Variants in KRABD5 observed in about 807,000 individuals in gnomAD.
The protein encoded by KRABD5 is KRAB domain containing 5, also known as KRAB domain-containing protein 5.
At chr16:31,714,316 T>C in the KRABD5 span, 1 of 455,538 alleles carries the variant, frequency 2.2e-6, no homozygotes, top group Non-Finnish European at 4.4e-6. Flanking sequence ...TTTCCTTCCT[T>C]TCTATAAAAA....
the KRABD5 span, chr16:31,757,560 G>A: frequency 1.3e-5 from 2 of 152,170 alleles, no homozygotes; most frequent in African/African-American, 4.8e-5. Flanking sequence ...TTGAAAAACA[G>A]TATTTTGATT....
At chr16:31,740,900 T>C in the KRABD5 span, among the ~76,000 whole-genome samples, 4 of 152,196 alleles carry the variant, frequency 2.6e-5, no homozygotes, top group Admixed American at 6.5e-5. Context: ...TACACTGGTT[T>C]GATGTCTGAA....
the KRABD5 span, among the ~76,000 whole-genome samples, chr16:31,748,123 G>A: frequency 6.6e-6 from 1 of 151,998 alleles, no homozygotes; most frequent in African/African-American, 2.4e-5. Context: ...TATGGTTTTA[G>A]GTCTAACATG....
chr16:31,725,032 C>G, the KRABD5 span, among the ~76,000 whole-genome samples: 1 of 152,176 alleles, frequency 6.6e-6, no homozygotes, highest in Non-Finnish European at 1.5e-5. Flanking sequence ...CTTCATTATG[C>G]TGAATAATAT....
chr16:31,719,202 G>A, the KRABD5 span, among the ~76,000 whole-genome samples: 58 of 152,324 alleles, frequency 3.8e-4, no homozygotes, highest in African/African-American at 1.4e-3. Context: ...GAGGTATACA[G>A]GGAACTTGGG....
the KRABD5 span, among the ~76,000 whole-genome samples, chr16:31,749,566 A>C: frequency 2.0e-5 from 3 of 152,314 alleles, no homozygotes; most frequent in Admixed American, 1.3e-4. Flanking sequence ...TTGGGATGCT[A>C]AGACTCAGTG....
chr16:31,733,452 A>G, the KRABD5 span: 1 of 452,708 alleles, frequency 2.2e-6, no homozygotes, highest in Non-Finnish European at 4.4e-6. Context: ...ACAGTTTATT[A>G]GTGTTAAGTA....
the KRABD5 span, among the ~76,000 whole-genome samples, chr16:31,742,881 A>G: frequency 3.3e-5 from 5 of 152,016 alleles, no homozygotes; most frequent in Non-Finnish European, 5.9e-5. Context: ...GTGTCTCATT[A>G]TGGTTTTGAT....
the KRABD5 span, among the ~76,000 whole-genome samples, chr16:31,739,753 A>G: frequency 6.6e-6 from 1 of 152,184 alleles, no homozygotes; most frequent in Non-Finnish European, 1.5e-5. Flanking sequence ...CCATAAACAA[A>G]ATCTCGGCAG....
chr16:31,735,429 AAT>A, the KRABD5 span, among the ~76,000 whole-genome samples: 2 of 152,144 alleles, frequency 1.3e-5, no homozygotes, highest in Non-Finnish European at 2.9e-5. Flanking sequence ...ATATATACCC[AAT>A]AGTGGAATTG....
At chr16:31,735,666 T>C in the KRABD5 span, among the ~76,000 whole-genome samples, 3 of 152,208 alleles carry the variant, frequency 2.0e-5, no homozygotes, top group African/African-American at 7.2e-5. Context: ...CCCTTGATGA[T>C]TAGTGAAGTT....
At chr16:31,753,039 T>C in the KRABD5 span, among the ~76,000 whole-genome samples, 1 of 152,156 alleles carries the variant, frequency 6.6e-6, no homozygotes, top group Non-Finnish European at 1.5e-5. Flanking sequence ...ATTTTGTTGA[T>C]ATTTTGATCA....
At chr16:31,713,750 G>T in the KRABD5 span, among the ~76,000 whole-genome samples, 1 of 152,168 alleles carries the variant, frequency 6.6e-6, no homozygotes, top group African/African-American at 2.4e-5. Context: ...CGTGTGATTC[G>T]TGTGTGGGAA....
At chr16:31,754,622 T>G in the KRABD5 span, 1 of 470,658 alleles carries the variant, frequency 2.1e-6, no homozygotes, top group South Asian at 1.5e-5. Flanking sequence ...TCAAGAGAAG[T>G]CTGCCAAATG....
At chr16:31,754,216 A>T in the KRABD5 span, 24 of 667,192 alleles carry the variant, frequency 3.6e-5, no homozygotes, top group Non-Finnish European at 5.3e-5. Flanking sequence ...AGATTTAAAA[A>T]CGAGGAGGTG....
chr16:31,735,779 A>T, the KRABD5 span, among the ~76,000 whole-genome samples: 20 of 152,124 alleles, frequency 1.3e-4, no homozygotes, highest in East Asian at 3.3e-3. Context: ...TGTTTGTTTT[A>T]TTTTGAGATT....
chr16:31,732,968 C>A, the KRABD5 span, among the ~76,000 whole-genome samples: 1 of 151,832 alleles, frequency 6.6e-6, no homozygotes, highest in African/African-American at 2.4e-5. Context: ...ACTAAAATTT[C>A]TCTTATTCTT....
chr16:31,740,591 T>G, the KRABD5 span, among the ~76,000 whole-genome samples: 1 of 151,934 alleles, frequency 6.6e-6, no homozygotes, highest in Admixed American at 6.6e-5. Context: ...GAGGATCACT[T>G]GAGGCCAGCC....
At chr16:31,751,949 T>C in the KRABD5 span, among the ~76,000 whole-genome samples, 4 of 152,204 alleles carry the variant, frequency 2.6e-5, no homozygotes, top group African/African-American at 9.6e-5. Flanking sequence ...TTTTGGTATG[T>C]GTTTTCTCTG....
Sources: allele counts gnomAD v4.1 joint callset (sites outside exome capture counted in the v4.1 genomes callset), GRCh38; gene constraint gnomAD v4.1.1; transcripts MANE v1.5; gene names NCBI Gene and HGNC (gene_info 2026-07-23, HGNC 2026-07-21).